Variants in ZHX2 observed in about 807,000 individuals in gnomAD.
ZHX2 encodes the protein zinc fingers and homeoboxes 2, also known as zinc fingers and homeoboxes protein 2.
ZHX2 carries 6 observed loss-of-function variants against 21.9 expected under a neutral mutation model. The ratio of observed to expected loss-of-function variants is 0.27; its 90% CI spans 0.15 to 0.54. The LOEUF is 0.54. Ranked by LOEUF, ZHX2 falls within the 20% of genes least tolerant of loss-of-function variation. The pLI, the probability that ZHX2 is intolerant of heterozygous loss-of-function variation, is 0.95. For missense variants in ZHX2, 908 were observed against 1,090.7 expected (o/e 0.83, Z 2.36); for synonymous variants, 434 against 437.1 (o/e 0.99, Z 0.09).
At chr8:122,968,021 T>G (rs1813626927) in intron 3 of ZHX2, among the ~76,000 whole-genome samples, 1 of 152,036 alleles carries the variant, frequency 6.6e-6, no homozygotes, top group Non-Finnish European at 1.5e-5. Flanking sequence ...GTTAGTTTCT[T>G]TATTTAGGGC....
chr8:122,850,389 G>A (rs1818860655), intron 1 of ZHX2, among the ~76,000 whole-genome samples: 1 of 152,084 alleles, frequency 6.6e-6, no homozygotes, highest in Non-Finnish European at 1.5e-5. Context: ...TGTAATCCCA[G>A]CACTTTAGGA....
At chr8:122,881,385 G>A (rs1487115813) in intron 2 of ZHX2, among the ~76,000 whole-genome samples, 1 of 152,202 alleles carries the variant, frequency 6.6e-6, no homozygotes, top group African/African-American at 2.4e-5. Flanking sequence ...TTTACCATCT[G>A]TGAGACTTTG....
At chr8:122,937,692 G>A (rs7825631) in intron 2 of ZHX2, among the ~76,000 whole-genome samples, 1 of 151,050 alleles carries the variant, frequency 6.6e-6, no homozygotes, top group Non-Finnish European at 1.5e-5. Context: ...CAATTCTCCC[G>A]CCTCAGCCTC....
intron 1 of ZHX2, among the ~76,000 whole-genome samples, chr8:122,857,022 G>T (rs544165910): frequency 7.2e-5 from 11 of 151,924 alleles, no homozygotes; most frequent in African/African-American, 2.7e-4. Context: ...GGGGTCCACC[G>T]TGCCCCTCCC....
intron 2 of ZHX2, among the ~76,000 whole-genome samples, chr8:122,948,078 G>C (rs1194938290): frequency 6.6e-6 from 1 of 152,252 alleles, no homozygotes; most frequent in African/African-American, 2.4e-5. Context: ...CGAGGGGCCA[G>C]GTTCTGGGTT....
At chr8:122,941,561 T>A (rs572831077) in intron 2 of ZHX2, among the ~76,000 whole-genome samples, 1 of 152,334 alleles carries the variant, frequency 6.6e-6, no homozygotes, top group South Asian at 2.1e-4. Flanking sequence ...CGTTTCTACC[T>A]CGTCCTCCAA....
At chr8:122,797,382 C>T (rs1320961591) in intron 1 of ZHX2, among the ~76,000 whole-genome samples, 2 of 152,196 alleles carry the variant, frequency 1.3e-5, no homozygotes, top group Non-Finnish European at 2.9e-5. Context: ...CTCACACAAC[C>T]TCGCAAAGCC....
chr8:122,840,471 G>C (rs1818599906), intron 1 of ZHX2, among the ~76,000 whole-genome samples: 1 of 152,176 alleles, frequency 6.6e-6, no homozygotes, highest in African/African-American at 2.4e-5. Context: ...TACCTTAAAG[G>C]GCCGTTGTGA....
chr8:122,785,984 A>C (rs1426492813), intron 1 of ZHX2, among the ~76,000 whole-genome samples: 1 of 152,218 alleles, frequency 6.6e-6, no homozygotes, highest in Non-Finnish European at 1.5e-5. Flanking sequence ...ATTTGCAATA[A>C]AACGAGTTCT....
chr8:122,814,129 T>C (rs1328181601), intron 1 of ZHX2, among the ~76,000 whole-genome samples: 1 of 152,250 alleles, frequency 6.6e-6, no homozygotes, highest in Non-Finnish European at 1.5e-5. Context: ...ACTCTGAATA[T>C]AGCCTTTGCA....
intron 2 of ZHX2, among the ~76,000 whole-genome samples, chr8:122,875,781 C>T (rs530212047): frequency 2.0e-4 from 31 of 152,356 alleles, no homozygotes; most frequent in Non-Finnish European, 3.8e-4. Context: ...AGGATTGGAA[C>T]GTAGGCAGCC....
At chr8:122,784,325 A>G (rs1323507604) in intron 1 of ZHX2, among the ~76,000 whole-genome samples, 1 of 152,226 alleles carries the variant, frequency 6.6e-6, no homozygotes, top group Admixed American at 6.5e-5. Flanking sequence ...AATTCTCACC[A>G]CAATCCTGTG....
At position 122,795,598 on chromosome 8, in the gene ZHX2, G is replaced by A. The variant is rs572646671; in HGVS notation, c.-283+13652G>A. On this transcript the variant is annotated intron_variant, in intron 1 of 3. Transcript: ENST00000314393. The stretch of plus-strand genomic sequence containing the variant: ...ACTTGAGATCAAATGCTATTTAATG[G>A]TGGTAGGAAGGCAGGATGTAAATGT... Among the ~76,000 whole-genome samples the A allele has an allele frequency of 5.3e-5, 8 of 151,828 alleles. No individual in the cohort carries two copies. The South Asian group carries it at 1.5e-3, about 28-fold the overall frequency.
intron 2 of ZHX2, among the ~76,000 whole-genome samples, chr8:122,908,085 A>G (rs1820388245): frequency 6.6e-6 from 1 of 152,126 alleles, no homozygotes; most frequent in African/African-American, 2.4e-5. Flanking sequence ...TTCTCCGTGG[A>G]TGAAATTGGA....
chr8:122,873,593 T>C (rs903595137), intron 2 of ZHX2, among the ~76,000 whole-genome samples: 1 of 152,206 alleles, frequency 6.6e-6, no homozygotes, highest in Non-Finnish European at 1.5e-5. Context: ...GCTCCCACTC[T>C]GGTGAGTTCT....
At chr8:122,870,245 G>C (rs117662473) in intron 2 of ZHX2, among the ~76,000 whole-genome samples, 1 of 152,154 alleles carries the variant, frequency 6.6e-6, no homozygotes, top group Non-Finnish European at 1.5e-5. Flanking sequence ...CTCAGGTGCC[G>C]TGCTCAGGAT....
At chr8:122,873,832 G>A (rs1429511064) in intron 2 of ZHX2, among the ~76,000 whole-genome samples, 4 of 152,144 alleles carry the variant, frequency 2.6e-5, no homozygotes, top group African/African-American at 7.2e-5. Flanking sequence ...GAGGCCTCCC[G>A]AATTGCTTAG....
chr8:122,885,652 G>A (rs1441034478), intron 2 of ZHX2, among the ~76,000 whole-genome samples: 3 of 152,142 alleles, frequency 2.0e-5, no homozygotes, highest in Non-Finnish European at 4.4e-5. Context: ...CACAATTTGA[G>A]GCAGCGTTGC....
intron 1 of ZHX2, among the ~76,000 whole-genome samples, chr8:122,843,850 A>G (rs1202765634): frequency 1.3e-5 from 2 of 151,654 alleles, no homozygotes; most frequent in African/African-American, 2.4e-5. Flanking sequence ...TGTCTGGTGT[A>G]TAATAGGAAG....
Sources: allele counts gnomAD v4.1 joint callset (sites outside exome capture counted in the v4.1 genomes callset), GRCh38; gene constraint gnomAD v4.1.1; transcripts MANE v1.5; gene names NCBI Gene and HGNC (gene_info 2026-07-23, HGNC 2026-07-21).